ARHGAP15: variants seen among roughly 807,000 people sequenced by gnomAD.
The protein encoded by ARHGAP15 is Rho GTPase activating protein 15, also known as rho GTPase-activating protein 15.
In ARHGAP15, 51 loss-of-function variants were observed where a neutral mutation model predicts 63.7. The observed-to-expected ratio is 0.80, with a 90% CI of 0.64 to 1.01. The LOEUF (loss-of-function observed/expected upper bound fraction) is 1.01. ARHGAP15 is among the 50% of genes least tolerant of loss of function. The probability of loss-of-function intolerance (pLI) is 0.00; values close to 1 mark genes in which losing one functional copy is unlikely to be tolerated. For missense variants in ARHGAP15, 560 were observed against 564.6 expected (o/e 0.99, Z 0.08); for synonymous variants, 191 against 193.8 (o/e 0.99, Z 0.12).
chr2:143,358,298 T>C (rs1574328381), intron 6 of ARHGAP15, among the ~76,000 whole-genome samples: 1 of 152,162 alleles, frequency 6.6e-6, no homozygotes, highest in Non-Finnish European at 1.5e-5. Flanking sequence ...CTGCCAGAAC[T>C]GAGAAAACAG....
intron 11 of ARHGAP15, among the ~76,000 whole-genome samples, chr2:143,609,740 CTGTA>C (rs1345783525): frequency 6.6e-6 from 1 of 152,162 alleles, no homozygotes; most frequent in Non-Finnish European, 1.5e-5. Flanking sequence ...TACCCAGGAT[CTGTA>C]TGCACTCGCC....
At chr2:143,744,163 G>A (rs1468389716) in intron 13 of ARHGAP15, among the ~76,000 whole-genome samples, 1 of 152,204 alleles carries the variant, frequency 6.6e-6, no homozygotes, top group Non-Finnish European at 1.5e-5. Context: ...TACTTTTAGG[G>A]TGGGGCTTAG....
intron 6 of ARHGAP15, among the ~76,000 whole-genome samples, chr2:143,406,986 T>C (rs1437115552): frequency 6.6e-6 from 1 of 151,888 alleles, no homozygotes; most frequent in African/African-American, 2.4e-5. Context: ...CCGTATTCTG[T>C]TAAGCATACA....
intron 11 of ARHGAP15, among the ~76,000 whole-genome samples, chr2:143,616,237 A>G (rs2105227128): frequency 6.6e-6 from 1 of 152,338 alleles, no homozygotes. Context: ...AAAAATGCAC[A>G]AAGCAATGAC....
At chr2:143,197,537 C>T (rs1290316612) in intron 2 of ARHGAP15, among the ~76,000 whole-genome samples, 2 of 151,814 alleles carry the variant, frequency 1.3e-5, no homozygotes, top group Non-Finnish European at 2.9e-5. Context: ...GTAAAAACAA[C>T]CTGAAATATT....
intron 12 of ARHGAP15, among the ~76,000 whole-genome samples, chr2:143,664,487 C>T (rs1268246180): frequency 6.6e-6 from 1 of 151,880 alleles, no homozygotes; most frequent in East Asian, 1.9e-4. Flanking sequence ...AATTGGCACC[C>T]TAACATCACA....
chr2:143,207,481 C>A (rs1231860663), intron 3 of ARHGAP15, among the ~76,000 whole-genome samples: 2 of 139,328 alleles, frequency 1.4e-5, no homozygotes, highest in Non-Finnish European at 3.1e-5. Flanking sequence ...CCCATTGACA[C>A]ACACACACAC....
intron 8 of ARHGAP15, among the ~76,000 whole-genome samples, chr2:143,448,753 C>T (rs1432919717): frequency 1.3e-5 from 2 of 151,866 alleles, no homozygotes; most frequent in Non-Finnish European, 2.9e-5. Flanking sequence ...ATGACAATAT[C>T]ACCTAGGAGC....
intron 2 of ARHGAP15, among the ~76,000 whole-genome samples, chr2:143,165,927 A>T (rs1690481835): frequency 1.4e-5 from 2 of 143,552 alleles, no homozygotes; most frequent in Admixed American, 1.4e-4. Flanking sequence ...CTTTAACGTC[A>T]AGAAAGAAAA....
At chr2:143,413,184 A>G (rs917512658) in intron 6 of ARHGAP15, among the ~76,000 whole-genome samples, 11 of 152,208 alleles carry the variant, frequency 7.2e-5, no homozygotes, top group African/African-American at 2.7e-4. Context: ...AATCTGGAGG[A>G]TGATATTTTA....
At chr2:143,419,678 AAACAT>A in intron 6 of ARHGAP15, among the ~76,000 whole-genome samples, 1 of 152,130 alleles carries the variant, frequency 6.6e-6, no homozygotes, top group East Asian at 1.9e-4. Context: ...ATATGTATAT[AAACAT>A]AACATATGTA....
At chr2:143,368,113 A>G (rs150909995) in intron 6 of ARHGAP15, among the ~76,000 whole-genome samples, 1 of 152,254 alleles carries the variant, frequency 6.6e-6, no homozygotes, top group African/African-American at 2.4e-5. Flanking sequence ...ATAATAAAGG[A>G]CACATTTAAA....
At chr2:143,487,176 T>C (rs1485614265) in intron 8 of ARHGAP15, among the ~76,000 whole-genome samples, 197 bp from the exon 9 acceptor site, 1 of 152,250 alleles carries the variant, frequency 6.6e-6, no homozygotes, top group Non-Finnish European at 1.5e-5. Flanking sequence ...ATTCTCATTG[T>C]ACATTCATGC....
At position 143,397,220 on chromosome 2, in the gene ARHGAP15, T is replaced by A. The variant is rs1574389486; in HGVS notation, c.475-38381T>A. Among the ~76,000 whole-genome samples the A allele has an allele frequency of 1.3e-5, 2 of 150,278 alleles. 1 individual carries two copies. Among genetic ancestry groups the A allele is most frequent in the South Asian group, 4.2e-4 (2 of 4,712 alleles). On this transcript the variant is annotated intron_variant, in intron 6 of 13. Transcript: ENST00000295095. ...AGTTTGGATGATTATTTCATCTCAA[T>A]GAAGTAGTTGTGAAGATCACTGATT...
chr2:143,298,792 TTAA>T (rs1322517548), intron 6 of ARHGAP15, among the ~76,000 whole-genome samples: 6 of 151,864 alleles, frequency 4.0e-5, no homozygotes, highest in South Asian at 2.1e-4. Flanking sequence ...TAAATTGAAT[TTAA>T]TAATTAAATT....
intron 12 of ARHGAP15, among the ~76,000 whole-genome samples, chr2:143,666,196 G>C (rs970166451): frequency 6.7e-6 from 1 of 150,348 alleles, no homozygotes; most frequent in Admixed American, 6.6e-5. Flanking sequence ...AACCAAAACA[G>C]CATGGTACTG....
chr2:143,301,259 T>G (rs946128764), intron 6 of ARHGAP15, among the ~76,000 whole-genome samples: 1 of 152,014 alleles, frequency 6.6e-6, no homozygotes, highest in African/African-American at 2.4e-5. Context: ...GTTCAATGTC[T>G]CTACACTAAT....
intron 6 of ARHGAP15, among the ~76,000 whole-genome samples, chr2:143,356,051 TA>T (rs150584394): frequency 7.5e-5 from 11 of 146,856 alleles, no homozygotes; most frequent in Admixed American, 2.7e-4. Context: ...TTCATCTTAT[TA>T]AAAAAAAAAG....
chr2:143,532,509 T>C (rs1694564168), intron 10 of ARHGAP15, among the ~76,000 whole-genome samples: 1 of 152,178 alleles, frequency 6.6e-6, no homozygotes, highest in Non-Finnish European at 1.5e-5. Context: ...GAAAAAGCAA[T>C]TCTTCTTACT....
Sources: gnomAD v4.1 joint callset for allele counts (sites outside exome capture counted in the v4.1 genomes callset) on GRCh38, gnomAD v4.1.1 for gene constraint, MANE v1.5 for transcripts, NCBI Gene and HGNC (gene_info 2026-07-23, HGNC 2026-07-21) for gene names.